Variants in TIAM1 observed in about 807,000 individuals in gnomAD.
TIAM1 encodes TIAM Rac1 associated GEF 1.
A neutral mutation model predicts 163.5 loss-of-function variants in TIAM1; 65 were observed. The ratio of observed to expected loss-of-function variants is 0.40; its 90% CI spans 0.33 to 0.49. The LOEUF (loss-of-function observed/expected upper bound fraction) is 0.49. Among genes scored for constraint, TIAM1 ranks in the 20% least tolerant of loss-of-function variants. TIAM1 has a pLI of 0.77. For synonymous variants in TIAM1, 833 were observed against 810.1 expected, an observed-to-expected ratio of 1.03 and a Z score of -0.48; for missense variants, 1,789 against 2,044.7, an observed-to-expected ratio of 0.87 and a Z score of 2.41.
At chr21:31,456,420 C>T (rs1391727205) in intron 2 of TIAM1, among the ~76,000 whole-genome samples, 1 of 152,204 alleles carries the variant, frequency 6.6e-6, no homozygotes, top group East Asian at 1.9e-4. Context: ...TCCTCGAGCT[C>T]CTGTTCCCAT....
At chr21:31,155,572 T>G (rs531740839) in intron 16 of TIAM1, among the ~76,000 whole-genome samples, 1 of 152,220 alleles carries the variant, frequency 6.6e-6, no homozygotes, top group African/African-American at 2.4e-5. Context: ...TGGTGCGATC[T>G]CAGCTCACAG....
At chr21:31,322,057 A>G (rs2075334391) in intron 2 of TIAM1, among the ~76,000 whole-genome samples, 1 of 152,192 alleles carries the variant, frequency 6.6e-6, no homozygotes, top group Non-Finnish European at 1.5e-5. Flanking sequence ...AAACAAAAAA[A>G]CAAAAAAACC....
intron 1 of TIAM1, among the ~76,000 whole-genome samples, chr21:31,496,036 C>T (rs2046629045): frequency 6.6e-6 from 1 of 151,976 alleles, no homozygotes; most frequent in Admixed American, 6.6e-5. Flanking sequence ...AAGGACAAGA[C>T]GTGGAGGTGG....
intron 2 of TIAM1, among the ~76,000 whole-genome samples, chr21:31,335,326 T>A (rs1266419549): frequency 6.6e-6 from 1 of 152,142 alleles, no homozygotes; most frequent in Non-Finnish European, 1.5e-5. Context: ...AAGTGAAACC[T>A]AAACATGGTA....
intron 2 of TIAM1, among the ~76,000 whole-genome samples, chr21:31,415,987 T>C (rs184688266): frequency 6.6e-6 from 1 of 152,256 alleles, no homozygotes; most frequent in Admixed American, 6.5e-5. Context: ...ACCCAAGGGA[T>C]TTCTCTCCAA....
intron 6 of TIAM1, among the ~76,000 whole-genome samples, chr21:31,233,124 C>T (rs943417120): frequency 2.6e-5 from 4 of 151,976 alleles, no homozygotes; most frequent in Non-Finnish European, 5.9e-5. Context: ...ACGTAAGTGG[C>T]AGGAAAAGGG....
chr21:31,479,093 T>C (rs375570469), intron 1 of TIAM1, among the ~76,000 whole-genome samples: 1 of 152,200 alleles, frequency 6.6e-6, no homozygotes, highest in East Asian at 1.9e-4. Context: ...AAAAACAGCT[T>C]CGTGAGCATT....
intron 2 of TIAM1, among the ~76,000 whole-genome samples, chr21:31,354,200 G>C (rs1236405590): frequency 6.6e-6 from 1 of 151,952 alleles, no homozygotes; most frequent in African/African-American, 2.4e-5. Flanking sequence ...AAAGTCAGAG[G>C]GCTGAGTGTG....
intron 2 of TIAM1, among the ~76,000 whole-genome samples, chr21:31,406,567 C>T (rs1180923841): frequency 6.6e-6 from 1 of 152,160 alleles, no homozygotes; most frequent in African/African-American, 2.4e-5. Context: ...AAACTTTCAT[C>T]AAGCACCTGG....
Position 31,323,531 on chromosome 21 carries a change from T to TA in TIAM1, c.-189+15711dup, listed in dbSNP as rs1241300786. 1.1e-4 allele frequency among the ~76,000 whole-genome samples: 16 copies of TA among 151,854 alleles called. 1 individual carries two copies. Among genetic ancestry groups the TA allele is most frequent in the Admixed American group, 1.1e-3 (16 of 15,230 alleles). ...CAAGACCAACCTGGCACCATCTCTA[T>TA]AAAAAATTTAAAAATTAGGCTGGGT... On this transcript the variant is annotated intron_variant, in intron 2 of 27. Transcript: ENST00000541036.
intron 2 of TIAM1, among the ~76,000 whole-genome samples, chr21:31,417,825 C>T (rs539775858): frequency 6.6e-6 from 1 of 152,192 alleles, no homozygotes; most frequent in East Asian, 1.9e-4. Flanking sequence ...GAAGGGGGTA[C>T]ATTATGTAAC....
chr21:31,395,856 G>A lies in TIAM1; in HGVS notation c.-368-56434C>T, dbSNP rs905162128. On this transcript the variant is annotated intron_variant, in intron 2 of 28. Coordinates refer to the TIAM1 transcript ENST00000286827. This position sits in a 1 kb window ranked among gnomAD's most constrained non-coding sequence, Gnocchi z 7.5. The stretch of plus-strand genomic sequence containing the variant: ...AACATGTACATGCCTGAAACAGCAG[G>A]CCAGTAGGGAGGGCCTGAACAGAAA... Among the ~76,000 whole-genome samples the A allele has an allele frequency of 6.6e-6, 1 of 152,144 alleles. No individual in the cohort carries two copies. The highest frequency in any genetic ancestry group is 2.4e-5 in the African/African-American group (1 of 41,436).
chr21:31,380,674 CCAT>C (rs1458829700), intron 2 of TIAM1, among the ~76,000 whole-genome samples: 1 of 152,044 alleles, frequency 6.6e-6, no homozygotes, highest in African/African-American at 2.4e-5. Context: ...TTTAAAAAAT[CCAT>C]CAGAGGATAA....
chr21:31,238,581 G>A (rs914119583), intron 6 of TIAM1, among the ~76,000 whole-genome samples: 1 of 152,110 alleles, frequency 6.6e-6, no homozygotes, highest in African/African-American at 2.4e-5. Flanking sequence ...TCCACTTGAG[G>A]GTTAAAAAAA....
In TIAM1 at chr21:31,339,171, C is replaced by A. The variant is rs1346986453; in HGVS notation, c.-189+72G>T. The A allele has an allele frequency of 1.5e-5, 6 of 395,032 alleles. No homozygotes were observed. The Admixed American group carries it at 2.6e-4, about 17-fold the overall frequency. 24.5% of individuals were successfully genotyped at this position (395,032 alleles called of 1,614,324 possible). A position where few individuals can be genotyped will look rare whatever the true frequency, so the allele number is the denominator to read the frequency against. ...TTGTCCCAAAAAAGGTGGATTTGGG[C>A]AGGATCAAGATAATAAAGACTTTAA... On this transcript the variant is annotated intron_variant, in intron 2 of 27. Transcript: ENST00000541036.
intron 26 of TIAM1, 80 bp downstream of exon 26, chr21:31,126,985 C>T: frequency 1.4e-6 from 2 of 1,399,734 alleles, no homozygotes; most frequent in Non-Finnish European, 2.0e-6. Context: ...TACCAAACAC[C>T]AGAACACAAC....
Position 31,362,058 on chromosome 21 carries a change from G to A in TIAM1, c.-368-22636C>T, listed in dbSNP as rs542485086. Among the ~76,000 whole-genome samples, 5 of 152,246 alleles carry A rather than the reference G, an allele frequency of 3.3e-5. No homozygotes were observed. The East Asian group carries it at 9.6e-4, about 29-fold the overall frequency. ...TGCTTATAGTCCCAGCTACCAGGGAGGCTAGACAGAGAGATTGCTTGAGCC... is the reference window on the plus strand; with the variant it reads ...TGCTTATAGTCCCAGCTACCAGGGAAGCTAGACAGAGAGATTGCTTGAGCC... On this transcript the variant is annotated intron_variant, in intron 2 of 28. Transcript: ENST00000286827.
intron 2 of TIAM1, among the ~76,000 whole-genome samples, chr21:31,296,248 A>T (rs1291897159): frequency 6.6e-6 from 1 of 152,210 alleles, no homozygotes; most frequent in Non-Finnish European, 1.5e-5. Flanking sequence ...GTATTTGGAT[A>T]TACTTTTACC....
chr21:31,451,379 C>T (rs189655432), intron 2 of TIAM1, among the ~76,000 whole-genome samples: 26 of 152,274 alleles, frequency 1.7e-4, no homozygotes, highest in Admixed American at 1.4e-3. Flanking sequence ...TCAGATAATT[C>T]ACCCCGCATT....
Sources: allele counts gnomAD v4.1 joint callset (sites outside exome capture counted in the v4.1 genomes callset), GRCh38; gene constraint gnomAD v4.1.1; non-coding constraint Gnocchi (gnomAD v3.1); transcripts MANE v1.5; gene names NCBI Gene and HGNC (gene_info 2026-07-23, HGNC 2026-07-21).